Variants in TNRC18 observed in about 807,000 individuals in gnomAD.
The protein encoded by TNRC18 is trinucleotide repeat-containing gene 18 protein.
Under a neutral mutation model 226.7 loss-of-function variants are expected in TNRC18, and 69 were observed. The ratio of observed to expected loss-of-function variants is 0.30; its 90% CI spans 0.25 to 0.37. TNRC18 has a LOEUF of 0.37. Among genes scored for constraint, TNRC18 ranks in the 10% least tolerant of loss-of-function variants. TNRC18 has a pLI of 1.00. For synonymous variants in TNRC18, 2,449 were observed against 1,927.6 expected (o/e 1.27, Z -7.09); for missense variants, 4,754 against 4,256.6 (o/e 1.12, Z -3.25).
chr7:5,309,023 G>A lies in TNRC18; in HGVS notation c.8626-74C>T. On this transcript the variant is annotated intron_variant, in intron 28 of 29. Transcript: ENST00000430969. The surrounding 1 kb of genome is among the most constrained non-coding windows in gnomAD (Gnocchi z 5.7). Reference sequence around the variant, plus strand: ...ACCCGACCCCAGGCCCCAGGACAGGGCTGACCCACTGGGCAGGGCTGCTGA... The same window carrying A: ...ACCCGACCCCAGGCCCCAGGACAGGACTGACCCACTGGGCAGGGCTGCTGA... 1 of 1,526,104 alleles carries A rather than the reference G, an allele frequency of 6.6e-7. No homozygotes were observed. 94.5% of individuals were successfully genotyped at this position (1,526,104 alleles called of 1,614,324 possible).
In TNRC18 at chr7:5,313,306, G is replaced by T. The variant is rs1286543312; in HGVS notation, c.7585C>A (p.Pro2529Thr). 26 of 1,548,750 alleles carry T rather than the reference G, an allele frequency of 1.7e-5. No individual in the cohort carries two copies. Among genetic ancestry groups the T allele is most frequent in the Non-Finnish European group, 2.3e-5 (26 of 1,146,890 alleles). The stretch of plus-strand genomic sequence containing the variant: ...TCCTCGAACGTGAGCCCCGGCCCGG[G>T]CTCCTGGGCGAGGTCCCCGTCGGTG... ...KATDGDLAQE[P>T]GPGLTFEDSG... The change falls in exon 27 of 30, where the codon CCC becomes ACC. Residue 2529 changes from proline to threonine, a missense_variant. Transcript: ENST00000430969.
chr7:5,370,849 G>A lies in TNRC18; in HGVS notation c.3745C>T (p.Leu1249=). The change falls in exon 11 of 30, where the codon CTG becomes TTG. Residue 1249 remains leucine (L), a synonymous_variant. Coordinates refer to ENST00000430969, the MANE Select transcript of TNRC18 (RefSeq NM_001080495.3). ...GCCTCCACCAGTGTCTCGGGTGTCA[G>A]CTGCACCCCCAGGTCCAGGGCGGCG... ...CTAALDLGVQ[L]TPETLVEAKE... is the part of the protein sequence containing the mutation. 1 of 1,609,130 alleles carries A rather than the reference G, an allele frequency of 6.2e-7. No homozygotes were observed. The highest frequency in any genetic ancestry group is 8.5e-7 in the Non-Finnish European group (1 of 1,179,656).
At chr7:5,409,651 TCTC>T (rs1781710581) in intron 2 of TNRC18, among the ~76,000 whole-genome samples, 1 of 149,528 alleles carries the variant, frequency 6.7e-6, no homozygotes, top group Non-Finnish European at 1.5e-5. Flanking sequence ...ATTAAGAAAA[TCTC>T]CTAGAAAGAA....
At chr7:5,364,858 C>CT (rs1414492435) in intron 11 of TNRC18, among the ~76,000 whole-genome samples, 5 of 148,010 alleles carry the variant, frequency 3.4e-5, no homozygotes, top group African/African-American at 1.2e-4. Flanking sequence ...TCACATTTTG[C>CT]TTTTTTTCTG....
At chr7:5,339,868 C>T (rs1000162905) in intron 18 of TNRC18, among the ~76,000 whole-genome samples, 23 of 151,770 alleles carry the variant, frequency 1.5e-4, no homozygotes, top group Admixed American at 9.2e-4. Flanking sequence ...CCACACCCGG[C>T]TGTATGTTCT....
chr7:5,345,517 GCCCCTCCCACC>G, intron 18 of TNRC18, 34 bp downstream of exon 18: 2 of 377,742 alleles, frequency 5.3e-6, no homozygotes, highest in Non-Finnish European at 9.7e-6. Context: ...AATGGCGTCC[GCCCCTCCCACC>G]CACCCCCACC....
intron 5 of TNRC18, among the ~76,000 whole-genome samples, chr7:5,385,457 C>T (rs1476488686): frequency 7.2e-6 from 1 of 138,458 alleles, no homozygotes; most frequent in African/African-American, 2.6e-5. Flanking sequence ...CACTGCAGTC[C>T]GCAGTCCGGC....
At chr7:5,352,206 G>C in intron 16 of TNRC18, 112 bp from the exon 17 acceptor site, 4 of 1,148,816 alleles carry the variant, frequency 3.5e-6, no homozygotes, top group Non-Finnish European at 4.8e-6. Context: ...AGAACAAACA[G>C]GTCCGAATAC....
chr7:5,307,890 G>A lies in TNRC18; in HGVS notation c.*216C>T. 1.7e-6 allele frequency: 1 copy of A among 584,648 alleles called. No individual in the cohort carries two copies. Among genetic ancestry groups the A allele is most frequent in the Non-Finnish European group, 3.1e-6 (1 of 327,128 alleles). The allele number at this position is 584,648 out of a possible 1,614,324, so 36.2% of individuals were successfully genotyped here. A position where few individuals can be genotyped will look rare whatever the true frequency, so the allele number is the denominator to read the frequency against. On this transcript the variant is annotated 3_prime_UTR_variant, in exon 30 of 30. Coordinates refer to ENST00000430969, the MANE Select transcript of TNRC18 (RefSeq NM_001080495.3). The stretch of plus-strand genomic sequence containing the variant: ...GGGCCCCTGTCCTGGGGGCACTGAG[G>A]GGTTGGAAGGTGGGGCTGGAGGCAT...
At chr7:5,364,261 C>T (rs1793381863) in intron 11 of TNRC18, among the ~76,000 whole-genome samples, 1 of 152,008 alleles carries the variant, frequency 6.6e-6, no homozygotes, top group Non-Finnish European at 1.5e-5. Context: ...TTGAGCCACT[C>T]CAACCTGGGC....
chr7:5,386,057 C>T (rs1006502906), intron 5 of TNRC18, among the ~76,000 whole-genome samples: 42 of 147,720 alleles, frequency 2.8e-4, no homozygotes, highest in African/African-American at 2.8e-4. Flanking sequence ...GAGGCCGAGG[C>T]GGGTGGATCA....
chr7:5,369,682 C>A (rs1793967342), intron 11 of TNRC18, among the ~76,000 whole-genome samples: 1 of 152,146 alleles, frequency 6.6e-6, no homozygotes, highest in African/African-American at 2.4e-5. Flanking sequence ...CTAGATCCAG[C>A]CATACCTGAA....
Position 5,324,449 on chromosome 7 carries a change from G to A in TNRC18, c.6301-94C>T. ...CTCTGGAAACCTGGAGCCACAGTCA[G>A]GCCGCAGGGGGAATCTGTCATGTGC... On this transcript the variant is annotated intron_variant, in intron 20 of 29. Transcript: ENST00000430969. This position sits in a 1 kb window ranked among gnomAD's most constrained non-coding sequence, Gnocchi z 4.8. 1 of 1,495,574 alleles carries A rather than the reference G, an allele frequency of 6.7e-7. No homozygotes were observed. The highest frequency in any genetic ancestry group is 9.1e-7 in the Non-Finnish European group (1 of 1,101,740). 92.6% of individuals were successfully genotyped at this position (1,495,574 alleles called of 1,614,324 possible).
chr7:5,347,439 G>C (rs1791314940), intron 17 of TNRC18, among the ~76,000 whole-genome samples: 2 of 149,590 alleles, frequency 1.3e-5, no homozygotes, highest in African/African-American at 2.5e-5. Context: ...CTCATGATCT[G>C]CCCGCCTCAG....
At chr7:5,364,493 AC>A (rs1793417268) in intron 11 of TNRC18, among the ~76,000 whole-genome samples, 1 of 142,862 alleles carries the variant, frequency 7.0e-6, no homozygotes, top group African/African-American at 2.9e-5. Context: ...ACACACACAC[AC>A]ACACACACAC....
chr7:5,345,527 C>CCA, intron 18 of TNRC18, 35 bp downstream of exon 18: 1 of 332,468 alleles, frequency 3.0e-6, no homozygotes. Context: ...GCCCCTCCCA[C>CCA]CCACCCCCAC....
chr7:5,371,443 C>A, intron 10 of TNRC18, 79 bp from the exon 11 acceptor site: 1 of 1,423,356 alleles, frequency 7.0e-7, no homozygotes. Context: ...CCCACCACCC[C>A]AGACAGAGAC....
Position 5,309,376 on chromosome 7 carries a change from G to A in TNRC18, c.8389-8C>T. ...GCCCTTCATGCCACGCCGCTGCAAGGACACGTGTGTCACGGCACAGGCCCT... is the reference window on the plus strand; with the variant it reads ...GCCCTTCATGCCACGCCGCTGCAAGAACACGTGTGTCACGGCACAGGCCCT... On this transcript the variant is annotated splice_region_variant and splice_polypyrimidine_tract_variant and intron_variant, in intron 27 of 29. Transcript: ENST00000430969. This position sits in a 1 kb window ranked among gnomAD's most constrained non-coding sequence, Gnocchi z 5.7. 1 of 1,603,668 alleles carries A rather than the reference G, an allele frequency of 6.2e-7. No individual in the cohort carries two copies.
intron 2 of TNRC18, among the ~76,000 whole-genome samples, chr7:5,406,393 C>T (rs1781464687): frequency 6.6e-6 from 1 of 151,994 alleles, no homozygotes; most frequent in Non-Finnish European, 1.5e-5. Context: ...ACCCAAAAGG[C>T]GGAGGTTGCA....
Sources: gnomAD v4.1 joint callset for allele counts (sites outside exome capture counted in the v4.1 genomes callset) on GRCh38, gnomAD v4.1.1 for gene constraint, Gnocchi (gnomAD v3.1) non-coding constraint, MANE v1.5 for transcripts, NCBI Gene and HGNC (gene_info 2026-07-23, HGNC 2026-07-21) for gene names.